The following PARD3B variants were observed in gnomAD, a reference collection of about 807,000 sequenced individuals.
PARD3B encodes par-3 family cell polarity regulator beta, also known as partitioning defective 3 homolog B.
A neutral mutation model predicts 130.2 loss-of-function variants in PARD3B; 103 were observed. The ratio of observed to expected loss-of-function variants is 0.79; its 90% CI spans 0.67 to 0.93. The LOEUF is 0.93. Ranked by LOEUF, PARD3B falls within the 40% of genes least tolerant of loss-of-function variation. The pLI is 0.00. For synonymous variants in PARD3B, 583 were observed against 553.2 expected (o/e 1.05, Z -0.76); for missense variants, 1,609 against 1,499.2 (o/e 1.07, Z -1.21).
At chr2:205,315,245 T>A (rs866569326) in intron 18 of PARD3B, among the ~76,000 whole-genome samples, 24 of 152,304 alleles carry the variant, frequency 1.6e-4, no homozygotes, top group South Asian at 4.1e-4. Flanking sequence ...CTTCTAGCTG[T>A]TAGTCTTTCA....
At chr2:205,362,001 A>ATT (rs11373289) in intron 18 of PARD3B, among the ~76,000 whole-genome samples, 1 of 151,260 alleles carries the variant, frequency 6.6e-6, no homozygotes, top group Non-Finnish European at 1.5e-5. Context: ...TTAGAGTAAT[A>ATT]TTTTTTTTAG....
chr2:205,189,655 G>A (rs374262074), intron 14 of PARD3B, among the ~76,000 whole-genome samples: 5 of 152,104 alleles, frequency 3.3e-5, no homozygotes, highest in Non-Finnish European at 7.4e-5. Context: ...GATATGTAGC[G>A]TAAAGTTACA....
At chr2:204,642,051 A>T (rs540647539) in intron 1 of PARD3B, among the ~76,000 whole-genome samples, 201 of 152,312 alleles carry the variant, frequency 1.3e-3, no homozygotes, top group Middle Eastern at 6.8e-3. Context: ...CCTTATTTAG[A>T]AATTAAGTTG....
chr2:204,910,310 A>C (rs1052652044), intron 2 of PARD3B, among the ~76,000 whole-genome samples: 3 of 152,212 alleles, frequency 2.0e-5, no homozygotes, highest in South Asian at 4.1e-4. Context: ...AAAAAAACCT[A>C]GACCTTATAT....
intron 19 of PARD3B, among the ~76,000 whole-genome samples, chr2:205,403,594 A>G (rs766702665): frequency 2.6e-5 from 4 of 152,210 alleles, no homozygotes; most frequent in Admixed American, 6.5e-5. Context: ...CAACTACATC[A>G]GAATGAATCA....
chr2:204,971,630 TC>T (rs1220765860), intron 3 of PARD3B, among the ~76,000 whole-genome samples: 2 of 151,496 alleles, frequency 1.3e-5, no homozygotes, highest in Admixed American at 6.6e-5. Context: ...GTTTTTTTTT[TC>T]CCCCTCCATG....
At position 204,737,069 on chromosome 2, in the gene PARD3B, C is replaced by A. The variant is rs1329004673; in HGVS notation, c.222+50787C>A. 9.9e-5 allele frequency among the ~76,000 whole-genome samples: 15 copies of A among 152,192 alleles called. 1 individual carries two copies. Among genetic ancestry groups the A allele is most frequent in the Admixed American group, 9.8e-4 (15 of 15,282 alleles). On this transcript the variant is annotated intron_variant, in intron 2 of 22. Coordinates refer to ENST00000406610, the MANE Select transcript of PARD3B (RefSeq NM_001302769.2). ...TTAAGTGATTCTCCTGCTTCAGCCTCCCTAGTAGCTGGAATTACAGCTATG... is the reference window on the plus strand; with the variant it reads ...TTAAGTGATTCTCCTGCTTCAGCCTACCTAGTAGCTGGAATTACAGCTATG...
chr2:205,052,914 A>G (rs1699328743), intron 4 of PARD3B, among the ~76,000 whole-genome samples: 1 of 152,178 alleles, frequency 6.6e-6, no homozygotes, highest in Non-Finnish European at 1.5e-5. Flanking sequence ...GGTAAAGGAC[A>G]CAGACCGGTG....
chr2:205,024,865 C>T (rs1575580543), intron 3 of PARD3B, among the ~76,000 whole-genome samples: 2 of 152,276 alleles, frequency 1.3e-5, no homozygotes, highest in Non-Finnish European at 2.9e-5. Context: ...CCCTCTGGCA[C>T]TGTAATGATT....
intron 22 of PARD3B, among the ~76,000 whole-genome samples, chr2:205,609,679 C>T (rs1419123308): frequency 2.6e-5 from 4 of 152,282 alleles, no homozygotes; most frequent in African/African-American, 7.2e-5. Flanking sequence ...ATGCCTAAGC[C>T]GGACATTCAC....
intron 1 of PARD3B, among the ~76,000 whole-genome samples, chr2:204,648,613 T>G (rs1435056541): frequency 2.4e-5 from 3 of 126,106 alleles, no homozygotes; most frequent in Non-Finnish European, 4.8e-5. Context: ...TTTATATTTA[T>G]ATATACTATA....
In PARD3B at chr2:205,589,077, C is replaced by A. The variant is rs938184460; in HGVS notation, c.3261-26379C>A. Among the ~76,000 whole-genome samples the A allele has an allele frequency of 6.6e-6, 1 of 152,206 alleles. No individual in the cohort carries two copies. The highest frequency in any genetic ancestry group is 1.5e-5 in the Non-Finnish European group (1 of 68,028). Reference sequence around the variant, plus strand: ...CTGAGGCAGGTGGATCCTTTGAATCCAGGAGTTTCAGACCAGTCTGGGTAA... The same window carrying A: ...CTGAGGCAGGTGGATCCTTTGAATCAAGGAGTTTCAGACCAGTCTGGGTAA... On this transcript the variant is annotated intron_variant, in intron 22 of 22. Coordinates refer to ENST00000406610, the MANE Select transcript of PARD3B (RefSeq NM_001302769.2). This position sits in a 1 kb window ranked among gnomAD's most constrained non-coding sequence, Gnocchi z 4.1.
chr2:205,247,052 C>T (rs981757761), intron 16 of PARD3B, among the ~76,000 whole-genome samples: 1 of 152,202 alleles, frequency 6.6e-6, no homozygotes, highest in South Asian at 2.1e-4. Flanking sequence ...ATACATTCTA[C>T]TGCTTATAGT....
chr2:205,389,632 C>G (rs1412518335), intron 18 of PARD3B, among the ~76,000 whole-genome samples: 5 of 152,262 alleles, frequency 3.3e-5, no homozygotes, highest in Admixed American at 1.3e-4. Flanking sequence ...GCATGAGCCA[C>G]TGCGCCCGGC....
Position 204,695,645 on chromosome 2 carries a change from G to A in PARD3B, c.222+9363G>A, listed in dbSNP as rs1055238572. 3.3e-5 allele frequency among the ~76,000 whole-genome samples: 5 copies of A among 152,008 alleles called. No individual in the cohort carries two copies. The East Asian group carries it at 9.7e-4, about 29-fold the overall frequency. ...GTGTGGTAACATTTTGAACTGTGATGTATCACACAAATATATCACTTTTAT... is the reference window on the plus strand; with the variant it reads ...GTGTGGTAACATTTTGAACTGTGATATATCACACAAATATATCACTTTTAT... On this transcript the variant is annotated intron_variant, in intron 2 of 22. Transcript: ENST00000406610.
chr2:204,589,270 T>C (rs543424169), intron 1 of PARD3B, among the ~76,000 whole-genome samples: 11 of 152,316 alleles, frequency 7.2e-5, no homozygotes, highest in Admixed American at 5.9e-4. Context: ...TGTTGAGCCT[T>C]GGCAAATAGA....
rs191707218 is a variant in PARD3B at position 205,014,228 on chromosome 2, T to C, written c.395-33353T>C. ...CCTAACTTCTTATGTCCTTTTCAAG[T>C]AAGTCAGTGAAAACCAGAAATTTCC... On this transcript the variant is annotated intron_variant, in intron 3 of 22. Transcript: ENST00000406610. Among the ~76,000 whole-genome samples, 53 of 152,340 alleles carry C rather than the reference T, an allele frequency of 3.5e-4. No individual in the cohort carries two copies. In the East Asian group the frequency reaches 7.7e-3, roughly 22 times the overall value.
intron 2 of PARD3B, among the ~76,000 whole-genome samples, chr2:204,865,562 C>G (rs566391636): frequency 1.3e-5 from 2 of 152,258 alleles, no homozygotes; most frequent in East Asian, 3.9e-4. Flanking sequence ...TATGTTCTCA[C>G]TCAGAAGTGG....
rs1275311153 is a variant in PARD3B at position 205,407,036 on chromosome 2, A to G, written c.2741+5913A>G. On this transcript the variant is annotated intron_variant, in intron 19 of 22. Transcript: ENST00000406610. The surrounding 1 kb of genome is among the most constrained non-coding windows in gnomAD (Gnocchi z 4.1). Reference sequence around the variant, plus strand: ...TGGGGTTCTTTTCAGATATTCCAGTATGAGAAATATCTAAATATCTTAAGT... The same window carrying G: ...TGGGGTTCTTTTCAGATATTCCAGTGTGAGAAATATCTAAATATCTTAAGT... 2.0e-5 allele frequency among the ~76,000 whole-genome samples: 3 copies of G among 152,198 alleles called. No homozygotes were observed. Among genetic ancestry groups the G allele is most frequent in the African/African-American group, 2.4e-5 (1 of 41,454 alleles).
Sources: allele counts gnomAD v4.1 joint callset (sites outside exome capture counted in the v4.1 genomes callset), GRCh38; gene constraint gnomAD v4.1.1; non-coding constraint Gnocchi (gnomAD v3.1); transcripts MANE v1.5; gene names NCBI Gene and HGNC (gene_info 2026-07-23, HGNC 2026-07-21).